The following KANSL1 variants were observed in gnomAD, a reference collection of about 807,000 sequenced individuals.
KANSL1 encodes MLL1/MLL complex subunit KANSL1.
A neutral mutation model predicts 103.6 loss-of-function variants in KANSL1; 22 were observed. The ratio of observed to expected loss-of-function variants is 0.21; its 90% CI spans 0.15 to 0.30. The LOEUF is 0.30. KANSL1 is among the 10% of genes least tolerant of loss of function. The pLI is 1.00. For synonymous variants in KANSL1, 600 were observed against 527.6 expected (o/e 1.14, Z -1.88); for missense variants, 1,337 against 1,399.8 (o/e 0.96, Z 0.72).
In KANSL1 at chr17:46,082,518, G is replaced by C; in HGVS notation, c.1456C>G (p.Pro486Ala). 3 of 1,610,998 alleles carry C rather than the reference G, an allele frequency of 1.9e-6. No individual in the cohort carries two copies. Among genetic ancestry groups the C allele is most frequent in the Non-Finnish European group, 2.5e-6 (3 of 1,177,640 alleles). Residue 486 changes from proline (P) to alanine (A), a missense_variant, in exon 4 of 15, where the codon CCT becomes GCT. Physicochemically the swap from Pro to Ala is conservative, Grantham distance 27. This residue lies in a region of KANSL1 where 780 missense variants were observed against 923.4 expected (regional missense o/e 0.84). Coordinates refer to ENST00000432791, the MANE Select transcript of KANSL1 (RefSeq NM_015443.4). ...AAGTCTGTTGTATGCTCTGGGGGAGGTACCTCCCCAAGAACTATCAACCCC... is the reference window on the plus strand; with the variant it reads ...AAGTCTGTTGTATGCTCTGGGGGAGCTACCTCCCCAAGAACTATCAACCCC... Reference protein sequence around the residue: ...NKGLIVLGEVPPPEHTTDLFL... With the variant: ...NKGLIVLGEVAPPEHTTDLFL...
At chr17:46,216,937 C>T (rs1268103850) in intron 1 of KANSL1, among the ~76,000 whole-genome samples, 1 of 151,892 alleles carries the variant, frequency 6.6e-6, no homozygotes, top group Admixed American at 6.6e-5. Context: ...AAGACCCCAT[C>T]TCTACTAAAA....
intron 2 of KANSL1, among the ~76,000 whole-genome samples, chr17:46,158,929 C>T (rs910199700): frequency 2.0e-5 from 3 of 152,246 alleles, no homozygotes; most frequent in South Asian, 2.1e-4. Context: ...TGTCTTCAGT[C>T]TCTCACTACA....
intron 2 of KANSL1, among the ~76,000 whole-genome samples, chr17:46,151,963 T>C (rs2045131033): frequency 3.3e-5 from 5 of 152,250 alleles, no homozygotes. Flanking sequence ...TACAGATGCT[T>C]GGATCCCATC....
chr17:46,117,519 C>T (rs1439310874), intron 2 of KANSL1, among the ~76,000 whole-genome samples: 2 of 152,172 alleles, frequency 1.3e-5, no homozygotes, highest in Non-Finnish European at 2.9e-5. Flanking sequence ...GTGATGGTGG[C>T]AGTGGCAGGT....
At chr17:46,039,338 T>C in intron 8 of KANSL1, 123 bp from the exon 9 acceptor site, 2 of 896,720 alleles carry the variant, frequency 2.2e-6, no homozygotes, top group Non-Finnish European at 3.2e-6. Flanking sequence ...AGGACAGTCC[T>C]TCAGGACTGA....
chr17:46,141,493 C>A (rs1462390987), intron 2 of KANSL1, among the ~76,000 whole-genome samples: 1 of 152,254 alleles, frequency 6.6e-6, no homozygotes, highest in Non-Finnish European at 1.5e-5. Flanking sequence ...CTATGCAATA[C>A]TTTACATTTA....
chr17:46,077,140 C>T (rs2078805970), intron 4 of KANSL1, among the ~76,000 whole-genome samples: 1 of 152,212 alleles, frequency 6.6e-6, no homozygotes, highest in African/African-American at 2.4e-5. Flanking sequence ...CAACCTCCAC[C>T]ACCTGGGCTC....
At position 46,031,522 on chromosome 17, in the gene KANSL1, C is replaced by T. The variant is rs752029022; in HGVS notation, c.3272G>A (p.Arg1091Gln). The T allele has an allele frequency of 2.5e-6, 4 of 1,613,798 alleles. No homozygotes were observed. Among genetic ancestry groups the T allele is most frequent in the East Asian group, 2.2e-5 (1 of 44,880 alleles). The stretch of plus-strand genomic sequence containing the variant: ...AGCTGTGGCTGCTGCCACCAGATGC[C>T]GACTCTTGAGGGGGACAATGGGAGG... ...TSPPIVPLKS[R>Q]HLVAAATAQR... The change falls in exon 15 of 15, where the codon CGG becomes CAG. Residue 1091 changes from arginine to glutamine, a missense_variant. Transcript: ENST00000432791.
chr17:46,190,574 A>C (rs536956648), intron 1 of KANSL1, among the ~76,000 whole-genome samples: 1 of 152,376 alleles, frequency 6.6e-6, no homozygotes, highest in East Asian at 1.9e-4. Context: ...TCATTCTTTT[A>C]ACTGGTCACA....
chr17:46,052,949 G>T (rs1199926704), intron 6 of KANSL1, among the ~76,000 whole-genome samples: 1 of 71,598 alleles, frequency 1.4e-5, no homozygotes, highest in African/African-American at 6.0e-5. Context: ...GGGAAAAAGA[G>T]TAAGATCCTG....
At chr17:46,154,234 ATACGT>A (rs2045290580) in intron 2 of KANSL1, among the ~76,000 whole-genome samples, 1 of 152,222 alleles carries the variant, frequency 6.6e-6, no homozygotes, top group Non-Finnish European at 1.5e-5. Context: ...TGCTTAAATT[ATACGT>A]TACTGGCAAT....
intron 1 of KANSL1, among the ~76,000 whole-genome samples, chr17:46,183,465 G>C (rs554358148): frequency 7.9e-5 from 12 of 152,184 alleles, no homozygotes; most frequent in African/African-American, 2.9e-4. Context: ...ACTTGAGCCT[G>C]GCGGGTGGAG....
At chr17:46,194,778 A>G (rs2047549793), upstream of KANSL1, among the ~76,000 whole-genome samples, 1 of 152,268 alleles carries the variant, frequency 6.6e-6, no homozygotes, top group South Asian at 2.1e-4. Context: ...AATATCCGGC[A>G]TTATACGTCA....
chr17:46,181,766 G>C (rs955313517), intron 1 of KANSL1, among the ~76,000 whole-genome samples: 1 of 152,126 alleles, frequency 6.6e-6, no homozygotes, highest in African/African-American at 2.4e-5. Context: ...AATTCTTCAA[G>C]ATGAAACTTA....
intron 6 of KANSL1, among the ~76,000 whole-genome samples, chr17:46,055,459 C>A (rs1456687941): frequency 6.8e-6 from 1 of 147,508 alleles, no homozygotes; most frequent in African/African-American, 2.5e-5. Flanking sequence ...GAGCAAAACT[C>A]CCTCTCAAAA....
chr17:46,139,269 G>A (rs1213300616), intron 2 of KANSL1, among the ~76,000 whole-genome samples: 12 of 144,106 alleles, frequency 8.3e-5, no homozygotes, highest in Non-Finnish European at 1.5e-4. Context: ...CCACATTTTG[G>A]AACCAAGTTT....
intron 4 of KANSL1, among the ~76,000 whole-genome samples, chr17:46,077,095 A>C (rs62060846): frequency 0.14 from 21,810 of 152,268 alleles, 2,130 homozygotes; most frequent in Middle Eastern, 0.22. Context: ...CCCGTCGCCC[A>C]GGCTCAAGTA....
intron 7 of KANSL1, chr17:46,045,239 T>C (rs1331687410): frequency 6.6e-5 from 10 of 152,136 alleles, no homozygotes; most frequent in Admixed American, 3.9e-4. Context: ...ATGGTGCCCT[T>C]TGGAGTTGGC....
At chr17:46,118,046 T>A (rs2043118460) in intron 2 of KANSL1, among the ~76,000 whole-genome samples, 1 of 152,224 alleles carries the variant, frequency 6.6e-6, no homozygotes, top group Admixed American at 6.5e-5. Flanking sequence ...CATTATCCCA[T>A]GACCACTCCC....
Sources: allele counts gnomAD v4.1 joint callset (sites outside exome capture counted in the v4.1 genomes callset), GRCh38; gene constraint gnomAD v4.1.1; regional missense constraint gnomAD v4.1.1; transcripts MANE v1.5; gene names NCBI Gene and HGNC (gene_info 2026-07-23, HGNC 2026-07-21).